CPXM2: variants seen among roughly 807,000 people sequenced by gnomAD.
CPXM2 encodes inactive carboxypeptidase-like protein X2.
In CPXM2, 66 loss-of-function variants were observed where a neutral mutation model predicts 86.1. The ratio of observed to expected loss-of-function variants is 0.77; its 90% CI spans 0.63 to 0.94. CPXM2 has a LOEUF of 0.94. CPXM2 is among the 40% of genes least tolerant of loss of function. CPXM2 has a pLI of 0.00. For missense variants in CPXM2, 948 were observed against 1,026.3 expected (o/e 0.92, Z 1.04); for synonymous variants, 388 against 400.2 (o/e 0.97, Z 0.36).
intron 4 of CPXM2, among the ~76,000 whole-genome samples, chr10:123,820,537 G>T (rs1379061502): frequency 6.6e-6 from 1 of 152,204 alleles, no homozygotes; most frequent in East Asian, 1.9e-4. Flanking sequence ...CCCTATGACT[G>T]CTGTAACAAA....
chr10:123,751,725 T>A (rs1442605575), intron 13 of CPXM2: 5 of 985,290 alleles, frequency 5.1e-6, no homozygotes, highest in South Asian at 9.4e-5. Flanking sequence ...ACTTGTCAGA[T>A]CACATAAACC....
chr10:123,908,324 A>G (rs7893780), intron 2 of CPXM2, among the ~76,000 whole-genome samples: 41,349 of 152,120 alleles, frequency 0.27, 6,815 homozygotes, highest in African/African-American at 0.47. Context: ...TCCAAAGGCT[A>G]CAGCTTGAGC....
intron 6 of CPXM2, among the ~76,000 whole-genome samples, chr10:123,792,849 T>G (rs567666877): frequency 2.6e-4 from 39 of 152,222 alleles, no homozygotes; most frequent in Non-Finnish European, 4.7e-4. Context: ...CAGTGGAGAC[T>G]GCTGTTCTAG....
chr10:123,750,049 A>C lies in CPXM2; in HGVS notation c.2018-3032T>G, dbSNP rs1479957631. 35 of 873,404 alleles carry C rather than the reference A, an allele frequency of 4.0e-5. No individual in the cohort carries two copies. The African/African-American group carries it at 6.7e-4, about 17-fold the overall frequency. 54.1% of individuals were successfully genotyped at this position (873,404 alleles called of 1,614,324 possible). A position where few individuals can be genotyped will look rare whatever the true frequency, so the allele number is the denominator to read the frequency against. ...TGGCCAGGCTGGTCTTGAACTCCTG[A>C]CCTCATGATCTGCCTGCCTTGGCCT... On this transcript the variant is annotated intron_variant, in intron 13 of 13. Coordinates refer to ENST00000241305, the MANE Select transcript of CPXM2 (RefSeq NM_198148.3).
In CPXM2 at chr10:123,880,303, T is replaced by C; in HGVS notation, c.311A>G (p.His104Arg). The C allele has an allele frequency of 6.7e-7, 1 of 1,486,496 alleles. No homozygotes were observed. Among genetic ancestry groups the C allele is most frequent in the Non-Finnish European group, 9.4e-7 (1 of 1,063,512 alleles). The allele number at this position is 1,486,496 out of a possible 1,614,324, so 92.1% of individuals were successfully genotyped here. The part of the protein sequence containing the change: ...SAPEPPPPGK[H>R]SNKKVMRTKS... ...GGTTCTCATAACTTTTTTGTTGCTG[T>C]GTTTACCTAAAGGGGGAGAGAGAGA... is the stretch of plus-strand genomic sequence containing the variant. Residue 104 changes from histidine (H) to arginine (R), a missense_variant, in exon 2 of 14, where the codon CAC becomes CGC. His to Arg is a conservative substitution (Grantham distance 29). Transcript: ENST00000241305.
intron 13 of CPXM2, chr10:123,750,912 C>G (rs1207618114): frequency 6.1e-6 from 6 of 985,324 alleles, no homozygotes; most frequent in African/African-American, 1.7e-5. Flanking sequence ...GCTTCTGTCT[C>G]TAACCACTGG....
At chr10:123,803,063 T>C (rs1045204064) in intron 4 of CPXM2, among the ~76,000 whole-genome samples, 1 of 150,580 alleles carries the variant, frequency 6.6e-6, no homozygotes, top group African/African-American at 2.4e-5. Flanking sequence ...AATATATATA[T>C]ATATTGCAAA....
At chr10:123,857,896 G>A (rs1383868272) in intron 3 of CPXM2, among the ~76,000 whole-genome samples, 2 of 151,760 alleles carry the variant, frequency 1.3e-5, no homozygotes, top group Non-Finnish European at 1.5e-5. Context: ...CCGTGACAGC[G>A]CACTCTGTGG....
chr10:123,916,495 A>G (rs976807339), intron 2 of CPXM2, among the ~76,000 whole-genome samples: 5 of 152,182 alleles, frequency 3.3e-5, no homozygotes, highest in South Asian at 4.2e-4. Flanking sequence ...GGGAGTTCCT[A>G]TTCACTGCCA....
intron 10 of CPXM2, among the ~76,000 whole-genome samples, chr10:123,762,912 T>G (rs907605109): frequency 6.6e-6 from 1 of 152,190 alleles, no homozygotes; most frequent in Non-Finnish European, 1.5e-5. Flanking sequence ...GAGTAAGGGA[T>G]GAAATGGACT....
At chr10:123,769,470 T>G (rs1230750688) in intron 8 of CPXM2, 1 of 152,372 alleles carries the variant, frequency 6.6e-6, no homozygotes, top group African/African-American at 2.4e-5. Flanking sequence ...TAATCCCAGC[T>G]TCTCAGGAGG....
At chr10:123,864,441 A>C (rs968249499) in intron 2 of CPXM2, among the ~76,000 whole-genome samples, 2 of 152,214 alleles carry the variant, frequency 1.3e-5, no homozygotes, top group African/African-American at 4.8e-5. Context: ...CTGTCCCTCC[A>C]TGTCCTGGTA....
At chr10:123,818,089 T>G (rs1007418150) in intron 4 of CPXM2, among the ~76,000 whole-genome samples, 1 of 152,168 alleles carries the variant, frequency 6.6e-6, no homozygotes, top group African/African-American at 2.4e-5. Flanking sequence ...GATGGACCTC[T>G]CTGAGTAGTC....
chr10:123,832,191 C>T (rs946394967), intron 4 of CPXM2, among the ~76,000 whole-genome samples: 1 of 152,184 alleles, frequency 6.6e-6, no homozygotes, highest in African/African-American at 2.4e-5. Flanking sequence ...TAAATGCTTT[C>T]ATGGGCCCCT....
At position 123,861,429 on chromosome 10, in the gene CPXM2, C is replaced by A. The variant is rs181716350; in HGVS notation, c.513+1185G>T. ...GGAACAAAATGCCCTGGGGATGGGGCGGCAGAATAACTCCTACCCAAAGAT... is the reference window on the plus strand; with the variant it reads ...GGAACAAAATGCCCTGGGGATGGGGAGGCAGAATAACTCCTACCCAAAGAT... On this transcript the variant is annotated intron_variant, in intron 3 of 13. Coordinates refer to ENST00000241305, the MANE Select transcript of CPXM2 (RefSeq NM_198148.3). Among the ~76,000 whole-genome samples the A allele has an allele frequency of 2.0e-5, 3 of 152,208 alleles. No homozygotes were observed. In the East Asian group the frequency reaches 5.8e-4, roughly 29 times the overall value.
chr10:123,820,221 T>C (rs1468930833), intron 4 of CPXM2, among the ~76,000 whole-genome samples: 2 of 152,184 alleles, frequency 1.3e-5, no homozygotes, highest in Non-Finnish European at 2.9e-5. Context: ...TCTGCCCCTC[T>C]AGAGAACCCT....
chr10:123,908,761 T>A (rs1945465236), intron 2 of CPXM2, among the ~76,000 whole-genome samples: 1 of 152,164 alleles, frequency 6.6e-6, no homozygotes, highest in South Asian at 2.1e-4. Flanking sequence ...ATGAGGTTTT[T>A]AATGGCAGAA....
chr10:123,845,883 C>A (rs2134162029), intron 3 of CPXM2, among the ~76,000 whole-genome samples: 1 of 152,262 alleles, frequency 6.6e-6, no homozygotes, highest in African/African-American at 2.4e-5. Flanking sequence ...CATCAGAATT[C>A]TCAATAGCAG....
Position 123,938,489 on chromosome 10 carries a change from T to C in CPXM2, n.174+988A>G, listed in dbSNP as rs182560261. 2.6e-5 allele frequency among the ~76,000 whole-genome samples: 4 copies of C among 152,172 alleles called. No individual in the cohort carries two copies. In the East Asian group the frequency reaches 5.8e-4, roughly 22 times the overall value. On this transcript the variant is annotated intron_variant and non_coding_transcript_variant, in intron 2 of 19. Transcript: ENST00000368854. ...GGAGGAGAGTAGCTCTTTCCCCTTG[T>C]CTCTTTCTTTTTACTAGGAAGGGAA...
Sources: allele counts gnomAD v4.1 joint callset (sites outside exome capture counted in the v4.1 genomes callset), GRCh38; gene constraint gnomAD v4.1.1; transcripts MANE v1.5; gene names NCBI Gene and HGNC (gene_info 2026-07-23, HGNC 2026-07-21).